RBFOX1: variants seen among roughly 807,000 people sequenced by gnomAD.
RBFOX1 encodes RNA binding protein fox-1 homolog 1.
RBFOX1 carries 8 observed loss-of-function variants against 57.7 expected under a neutral mutation model. The ratio of observed to expected loss-of-function variants is 0.14; its 90% CI spans 0.08 to 0.25. The LOEUF (loss-of-function observed/expected upper bound fraction) is 0.25. RBFOX1 is among the 10% of genes least tolerant of loss of function. RBFOX1 has a pLI of 1.00. For missense variants in RBFOX1, 611 were observed against 548.5 expected (o/e 1.11, Z -1.14); for synonymous variants, 326 against 222.4 (o/e 1.47, Z -4.15).
chr16:5,648,722 G>A (rs189370717), intron 3 of RBFOX1, among the ~76,000 whole-genome samples: 9 of 152,248 alleles, frequency 5.9e-5, no homozygotes, highest in Non-Finnish European at 1.2e-4. Context: ...AGGATATGGA[G>A]TTAGTTTTCC....
At chr16:6,922,126 T>G (rs1282005106) in intron 3 of RBFOX1, among the ~76,000 whole-genome samples, 2 of 152,174 alleles carry the variant, frequency 1.3e-5, no homozygotes, top group Non-Finnish European at 2.9e-5. Context: ...CTGTTCCCTG[T>G]GCAACTTCAG....
chr16:6,597,545 C>T (rs751388718), intron 2 of RBFOX1, among the ~76,000 whole-genome samples: 6 of 152,008 alleles, frequency 3.9e-5, no homozygotes, highest in East Asian at 1.9e-4. Context: ...TGGTTGCAGG[C>T]GCCTGTAGTC....
chr16:7,546,240 T>C (rs1054627987), intron 5 of RBFOX1, among the ~76,000 whole-genome samples: 5 of 151,814 alleles, frequency 3.3e-5, no homozygotes, highest in African/African-American at 1.2e-4. Context: ...GGTGGGAGAA[T>C]CGTTTGAACC....
At chr16:7,500,294 C>T (rs2070297840) in intron 4 of RBFOX1, among the ~76,000 whole-genome samples, 2 of 152,174 alleles carry the variant, frequency 1.3e-5, no homozygotes, top group South Asian at 4.1e-4. Flanking sequence ...GGTTTCAATT[C>T]TGTGAACATA....
intron 2 of RBFOX1, among the ~76,000 whole-genome samples, chr16:5,526,200 C>G (rs4427801): frequency 1.2e-4 from 18 of 152,134 alleles, no homozygotes; most frequent in African/African-American, 3.1e-4. Flanking sequence ...TTATCCTTGT[C>G]GAAGGAAGCT....
chr16:7,199,603 C>G (rs1391892191), intron 4 of RBFOX1, among the ~76,000 whole-genome samples: 1 of 152,112 alleles, frequency 6.6e-6, no homozygotes, highest in Non-Finnish European at 1.5e-5. Flanking sequence ...TGAAATTAGA[C>G]AAAAAGGCTG....
At chr16:5,377,220 C>A (rs530025903) in intron 1 of RBFOX1, among the ~76,000 whole-genome samples, 1 of 151,464 alleles carries the variant, frequency 6.6e-6, no homozygotes, top group African/African-American at 2.5e-5. Context: ...CTGCCTCCCC[C>A]ACGCACAGCA....
chr16:6,799,989 T>A (rs2084992191), intron 3 of RBFOX1, among the ~76,000 whole-genome samples: 1 of 152,150 alleles, frequency 6.6e-6, no homozygotes, highest in Non-Finnish European at 1.5e-5. Flanking sequence ...TTCATATATA[T>A]TAAACACATA....
At chr16:7,271,795 A>G (rs1200141717) in intron 4 of RBFOX1, among the ~76,000 whole-genome samples, 2 of 151,744 alleles carry the variant, frequency 1.3e-5, no homozygotes, top group African/African-American at 4.8e-5. Context: ...TTAGGCTCTT[A>G]TTGTAAATGT....
In RBFOX1 at chr16:6,766,693, G is replaced by A. The variant is rs930975841; in HGVS notation, c.-16+112043G>A. On this transcript the variant is annotated intron_variant, in intron 3 of 15. Transcript: ENST00000550418. ...CATGTGGCCAACAGCTGTCATCTTGGACAACACAACTCTAGAGCCTCTTCT... is the reference window on the plus strand; with the variant it reads ...CATGTGGCCAACAGCTGTCATCTTGAACAACACAACTCTAGAGCCTCTTCT... Among the ~76,000 whole-genome samples the A allele has an allele frequency of 1.3e-4, 20 of 151,950 alleles. No individual in the cohort carries two copies. The South Asian group carries it at 2.1e-3, about 16-fold the overall frequency.
At chr16:6,273,942 A>T (rs2075513443) in intron 1 of RBFOX1, among the ~76,000 whole-genome samples, 1 of 152,188 alleles carries the variant, frequency 6.6e-6, no homozygotes, top group Non-Finnish European at 1.5e-5. Context: ...GCACATGAAA[A>T]GATGGTCTAC....
At chr16:5,545,794 C>T (rs772600901) in intron 2 of RBFOX1, among the ~76,000 whole-genome samples, 1 of 152,140 alleles carries the variant, frequency 6.6e-6, no homozygotes. Flanking sequence ...AATGTCTGCT[C>T]TTATCACTTT....
At position 7,453,128 on chromosome 16, in the gene RBFOX1, C is replaced by CAAA. The variant is rs35613776; in HGVS notation, c.28-65001_28-64999dup. 1.7e-3 allele frequency among the ~76,000 whole-genome samples: 188 copies of CAAA among 113,208 alleles called. 1 individual carries two copies. Among genetic ancestry groups the CAAA allele is most frequent in the Non-Finnish European group, 2.8e-3 (154 of 55,708 alleles). The allele number at this position is 113,208 out of a possible 152,430, so 74.3% of individuals were successfully genotyped here. On this transcript the variant is annotated intron_variant, in intron 4 of 15. Coordinates refer to ENST00000550418, the MANE Select transcript of RBFOX1 (RefSeq NM_018723.4). ...TGGATGACAGAGAGAGGCTTTGTCT[C>CAAA]AAAAAAAAAAAAAAAAAAAATTGCA... is the stretch of plus-strand genomic sequence containing the variant.
chr16:5,681,641 C>T (rs1205114057), intron 3 of RBFOX1, among the ~76,000 whole-genome samples: 1 of 152,064 alleles, frequency 6.6e-6, no homozygotes, highest in Non-Finnish European at 1.5e-5. Flanking sequence ...GATCCACCCA[C>T]CTCAGCCTCC....
At chr16:6,106,559 C>T (rs138509970) in intron 1 of RBFOX1, among the ~76,000 whole-genome samples, 33 of 151,880 alleles carry the variant, frequency 2.2e-4, no homozygotes, top group Middle Eastern at 3.4e-3. Context: ...TTCAATGAGA[C>T]GGTCATGGAC....
intron 3 of RBFOX1, among the ~76,000 whole-genome samples, chr16:6,883,708 A>G (rs977962604): frequency 6.6e-6 from 1 of 152,180 alleles, no homozygotes; most frequent in African/African-American, 2.4e-5. Flanking sequence ...TATGAGATAA[A>G]ATAGTTTCTA....
At chr16:5,490,109 A>G (rs2042776928) in intron 2 of RBFOX1, among the ~76,000 whole-genome samples, 1 of 152,132 alleles carries the variant, frequency 6.6e-6, no homozygotes, top group African/African-American at 2.4e-5. Flanking sequence ...AGCTTGATGA[A>G]TCTAGGGAAA....
At chr16:5,666,643 G>T (rs1017769687) in intron 3 of RBFOX1, among the ~76,000 whole-genome samples, 2 of 152,226 alleles carry the variant, frequency 1.3e-5, no homozygotes, top group African/African-American at 2.4e-5. Context: ...AGGACTGGCA[G>T]TGAGCTAGGG....
intron 4 of RBFOX1, among the ~76,000 whole-genome samples, chr16:7,471,793 T>G (rs887722627): frequency 6.6e-6 from 1 of 152,214 alleles, no homozygotes; most frequent in Non-Finnish European, 1.5e-5. Flanking sequence ...AAGAGTGATG[T>G]GTGATTCTCT....
Sources: gnomAD v4.1 joint callset for allele counts (sites outside exome capture counted in the v4.1 genomes callset) on GRCh38, gnomAD v4.1.1 for gene constraint, MANE v1.5 for transcripts, NCBI Gene and HGNC (gene_info 2026-07-23, HGNC 2026-07-21) for gene names.